CSMD1: variants seen among roughly 807,000 people sequenced by gnomAD.
The protein encoded by CSMD1 is CUB and sushi domain-containing protein 1.
Under a neutral mutation model 417.5 loss-of-function variants are expected in CSMD1, and 213 were observed. The ratio of observed to expected loss-of-function variants is 0.51; its 90% confidence interval spans 0.46 to 0.57. CSMD1 has a LOEUF of 0.57. Ranked by LOEUF, CSMD1 falls within the 20% of genes least tolerant of loss-of-function variation. The pLI is 0.00. For missense variants in CSMD1, 6,923 were observed against 4,529.7 expected (o/e 1.53, Z -15.17); for synonymous variants, 2,862 against 1,736.8 (o/e 1.65, Z -16.11).
At chr8:4,614,615 CCA>C (rs1263992156) in intron 2 of CSMD1, among the ~76,000 whole-genome samples, 1 of 151,864 alleles carries the variant, frequency 6.6e-6, no homozygotes, top group Non-Finnish European at 1.5e-5. Context: ...CTGAGTATGA[CCA>C]CACACACACG....
At chr8:4,126,821 A>ACTT (rs1802790963) in intron 3 of CSMD1, among the ~76,000 whole-genome samples, 1 of 152,152 alleles carries the variant, frequency 6.6e-6, no homozygotes, top group African/African-American at 2.4e-5. Flanking sequence ...CTGGGGTAGG[A>ACTT]GATGTCCAGG....
At chr8:3,546,932 A>G (rs1433669646) in intron 10 of CSMD1, among the ~76,000 whole-genome samples, 1 of 152,198 alleles carries the variant, frequency 6.6e-6, no homozygotes, top group African/African-American at 2.4e-5. Flanking sequence ...TGGAGGGAGG[A>G]TATCAGAGGT....
At chr8:3,783,766 G>A (rs914934112) in intron 5 of CSMD1, among the ~76,000 whole-genome samples, 17 of 152,128 alleles carry the variant, frequency 1.1e-4, no homozygotes, top group Non-Finnish European at 2.1e-4. Flanking sequence ...GCATATAAGG[G>A]GAAAAGAAAG....
chr8:2,978,914 A>G (rs1159217377), intron 54 of CSMD1, 114 bp from the exon 55 acceptor site: 1 of 868,724 alleles, frequency 1.2e-6, no homozygotes, highest in South Asian at 2.0e-5. Context: ...AACTGACAAC[A>G]TGATGGCTGA....
chr8:4,476,496 T>A (rs891158095), intron 2 of CSMD1, among the ~76,000 whole-genome samples: 1 of 152,202 alleles, frequency 6.6e-6, no homozygotes, highest in Non-Finnish European at 1.5e-5. Context: ...ATACTGAAAT[T>A]GAACATCATC....
At chr8:3,641,598 TC>T (rs1487661547) in intron 7 of CSMD1, among the ~76,000 whole-genome samples, 1 of 152,208 alleles carries the variant, frequency 6.6e-6, no homozygotes, top group Non-Finnish European at 1.5e-5. Flanking sequence ...GCTTCTTATG[TC>T]TCAAGAGGTT....
chr8:4,993,661 A>C (rs1811600159), intron 1 of CSMD1, among the ~76,000 whole-genome samples: 1 of 152,028 alleles, frequency 6.6e-6, no homozygotes, highest in Non-Finnish European at 1.5e-5. Context: ...CCGGTCCAGA[A>C]CTCCTAGCCT....
At chr8:4,456,990 A>G (rs1217525093) in intron 2 of CSMD1, among the ~76,000 whole-genome samples, 1 of 151,316 alleles carries the variant, frequency 6.6e-6, no homozygotes, top group Admixed American at 6.6e-5. Context: ...TTTTTTAAAA[A>G]AAAAAAAAAC....
intron 2 of CSMD1, among the ~76,000 whole-genome samples, chr8:4,468,367 T>C (rs1800318577): frequency 2.0e-5 from 3 of 152,204 alleles, no homozygotes; most frequent in Admixed American, 1.3e-4. Context: ...TTAAAAACCA[T>C]TAATAAAGAG....
intron 1 of CSMD1, among the ~76,000 whole-genome samples, chr8:4,682,023 G>C (rs117248965): frequency 6.6e-6 from 1 of 152,056 alleles, no homozygotes; most frequent in African/African-American, 2.4e-5. Context: ...GGATAAATTT[G>C]TTGTTGTTAT....
intron 2 of CSMD1, among the ~76,000 whole-genome samples, chr8:4,583,580 G>C (rs944423904): frequency 1.3e-5 from 2 of 152,018 alleles, no homozygotes; most frequent in East Asian, 3.9e-4. Context: ...TTACCTCAAG[G>C]TTTGTGAGTG....
At chr8:4,993,189 G>C (rs1391213858) in intron 1 of CSMD1, among the ~76,000 whole-genome samples, 1 of 152,080 alleles carries the variant, frequency 6.6e-6, no homozygotes, top group South Asian at 2.1e-4. Context: ...AGGGAAAAAA[G>C]CAAGTGACCA....
chr8:3,993,286 T>C (rs1173103240), intron 5 of CSMD1, among the ~76,000 whole-genome samples: 1 of 152,220 alleles, frequency 6.6e-6, no homozygotes, highest in Non-Finnish European at 1.5e-5. Flanking sequence ...CCTCCTTCCT[T>C]TAATTTTGGG....
At chr8:4,543,184 T>A (rs539117807) in intron 2 of CSMD1, among the ~76,000 whole-genome samples, 2 of 152,218 alleles carry the variant, frequency 1.3e-5, no homozygotes, top group South Asian at 4.1e-4. Flanking sequence ...TCTATTTCTT[T>A]GTGTTATACA....
At chr8:4,064,640 G>C (rs569660631) in intron 3 of CSMD1, among the ~76,000 whole-genome samples, 9 of 152,232 alleles carry the variant, frequency 5.9e-5, no homozygotes, top group Non-Finnish European at 1.0e-4. Context: ...TCACATACAT[G>C]GTTTCTATGG....
intron 1 of CSMD1, among the ~76,000 whole-genome samples, chr8:4,842,458 A>G (rs1017840054): frequency 2.6e-5 from 4 of 152,232 alleles, no homozygotes; most frequent in Admixed American, 2.6e-4. Context: ...CATTTTGGTA[A>G]TCTTTCATGA....
chr8:3,271,822 G>C (rs1304395038), intron 26 of CSMD1, among the ~76,000 whole-genome samples: 2 of 151,934 alleles, frequency 1.3e-5, no homozygotes, highest in East Asian at 3.9e-4. Context: ...TATAGATTGT[G>C]GATATTAGCC....
At chr8:3,640,739 A>G (rs1013585465) in intron 7 of CSMD1, among the ~76,000 whole-genome samples, 4 of 152,148 alleles carry the variant, frequency 2.6e-5, no homozygotes, top group African/African-American at 7.2e-5. Flanking sequence ...TCCCTGAAAA[A>G]CATTCATTGT....
At chr8:4,054,330 T>A (rs901223815) in intron 3 of CSMD1, among the ~76,000 whole-genome samples, 4 of 151,924 alleles carry the variant, frequency 2.6e-5, no homozygotes, top group African/African-American at 9.7e-5. Flanking sequence ...GGAGCTGGGG[T>A]AGGAATGTGT....
Sources: gnomAD v4.1 joint callset for allele counts (sites outside exome capture counted in the v4.1 genomes callset) on GRCh38, gnomAD v4.1.1 for gene constraint, MANE v1.5 for transcripts, NCBI Gene and HGNC (gene_info 2026-07-23, HGNC 2026-07-21) for gene names.